Variants in CCDC171 observed in about 807,000 individuals in gnomAD.
CCDC171 encodes the protein coiled-coil domain-containing protein 171.
A neutral mutation model predicts 168.2 loss-of-function variants in CCDC171; 177 were observed. The ratio of observed to expected loss-of-function variants is 1.05; its 90% CI spans 0.93 to 1.19. CCDC171 has a LOEUF of 1.19. Among genes scored for constraint, CCDC171 ranks in the 50% most tolerant of loss-of-function variants. The pLI, the probability that CCDC171 is intolerant of heterozygous loss-of-function variation, is 0.00. For missense variants in CCDC171, 1,991 were observed against 1,539.0 expected, an observed-to-expected ratio of 1.29 and a Z score of -4.91; for synonymous variants, 687 against 540.8, an observed-to-expected ratio of 1.27 and a Z score of -3.75.
chr9:16,099,734 C>T, the CCDC171 span, among the ~76,000 whole-genome samples: 1 of 152,092 alleles, frequency 6.6e-6, no homozygotes, highest in Non-Finnish European at 1.5e-5. Context: ...ATAGTCTCAA[C>T]AAGAAAGAGA....
intron 10 of CCDC171, among the ~76,000 whole-genome samples, chr9:15,686,806 T>C (rs954884023): frequency 2.0e-5 from 3 of 152,152 alleles, no homozygotes; most frequent in Admixed American, 1.3e-4. Context: ...ACAACAATAA[T>C]ATTTCGGGGC....
At chr9:15,696,089 T>C (rs1427579845) in intron 11 of CCDC171, among the ~76,000 whole-genome samples, 1 of 152,210 alleles carries the variant, frequency 6.6e-6, no homozygotes, top group Admixed American at 6.5e-5. Context: ...TATTTGGTGG[T>C]CTTCTAACAC....
intron 9 of CCDC171, among the ~76,000 whole-genome samples, 153 bp from the exon 10 acceptor site, chr9:15,678,605 C>T (rs181564308): frequency 1.3e-5 from 2 of 152,240 alleles, no homozygotes; most frequent in East Asian, 1.9e-4. Context: ...TAAGAATATT[C>T]AGTACTTTTT....
chr9:16,085,871 C>T, the CCDC171 span, among the ~76,000 whole-genome samples: 1 of 152,158 alleles, frequency 6.6e-6, no homozygotes, highest in Non-Finnish European at 1.5e-5. Context: ...GAATGTGGTA[C>T]TCTTTATTCT....
intron 21 of CCDC171, among the ~76,000 whole-genome samples, chr9:15,822,154 C>T (rs2059802988): frequency 6.6e-6 from 1 of 152,158 alleles, no homozygotes. Context: ...CACTGGATCC[C>T]TTCCTTACAC....
intron 3 of CCDC171, among the ~76,000 whole-genome samples, chr9:15,987,186 A>T (rs1232070484): frequency 6.6e-6 from 1 of 152,184 alleles, no homozygotes; most frequent in Non-Finnish European, 1.5e-5. Flanking sequence ...CCACTAGCAA[A>T]TGTCAAAAGA....
chr9:15,879,104 C>G (rs1054196969), intron 24 of CCDC171, among the ~76,000 whole-genome samples: 1 of 152,132 alleles, frequency 6.6e-6, no homozygotes, highest in Non-Finnish European at 1.5e-5. Flanking sequence ...GCATATTTAC[C>G]TCTAAACCTA....
In CCDC171 at chr9:15,591,417, A is replaced by C; in HGVS notation, c.404A>C (p.Gln135Pro). The C allele has an allele frequency of 6.2e-7, 1 of 1,609,308 alleles. No individual in the cohort carries two copies. Among genetic ancestry groups the C allele is most frequent in the East Asian group, 2.2e-5 (1 of 44,710 alleles). Residue 135 changes from glutamine (Q) to proline (P), a missense_variant, in exon 5 of 26, where the codon CAG (glutamine) becomes CCG (proline). Gln to Pro is a moderately conservative substitution (Grantham distance 76, BLOSUM62 -1). Coordinates refer to ENST00000380701, the MANE Select transcript of CCDC171 (RefSeq NM_173550.4). ...ACAAATGAGACTGAGAAAGCATTTC[A>C]GACTTCTCAGCAAAAATGGAAAGAA... Reference protein sequence around the residue: ...AKTNETEKAFQTSQQKWKEEC... With the variant: ...AKTNETEKAFPTSQQKWKEEC...
intron 3 of CCDC171, among the ~76,000 whole-genome samples, chr9:15,981,058 T>A (rs1306049756): frequency 6.6e-6 from 1 of 152,090 alleles, no homozygotes; most frequent in Non-Finnish European, 1.5e-5. Context: ...TCAGATATTG[T>A]GAGACTTACT....
chr9:15,895,801 G>A (rs1018144347), intron 24 of CCDC171, among the ~76,000 whole-genome samples: 7 of 151,998 alleles, frequency 4.6e-5, no homozygotes, highest in Non-Finnish European at 7.4e-5. Flanking sequence ...AAAGCCAGTG[G>A]CAATTCTGTA....
chr9:16,027,126 C>G (rs576052313), intron 6 of CCDC171, among the ~76,000 whole-genome samples: 14 of 152,228 alleles, frequency 9.2e-5, no homozygotes, highest in African/African-American at 2.6e-4. Flanking sequence ...TTGATTTTCC[C>G]CAGAATAATT....
chr9:16,026,829 T>C (rs1217429031), intron 6 of CCDC171, among the ~76,000 whole-genome samples: 1 of 152,264 alleles, frequency 6.6e-6, no homozygotes, highest in Non-Finnish European at 1.5e-5. Context: ...ATCATCTATA[T>C]TTAATTGCTC....
the CCDC171 span, among the ~76,000 whole-genome samples, chr9:16,084,677 A>G: frequency 6.6e-6 from 1 of 152,256 alleles, no homozygotes; most frequent in African/African-American, 2.4e-5. Context: ...CCGGGCTGCC[A>G]TGGGGGCCCC....
At chr9:15,573,281 T>G (rs1331618919) in intron 3 of CCDC171, among the ~76,000 whole-genome samples, 1 of 152,200 alleles carries the variant, frequency 6.6e-6, no homozygotes, top group Admixed American at 6.5e-5. Context: ...ATTATCATAA[T>G]TTTTCTTTTT....
chr9:15,580,549 C>T (rs1256957338), intron 4 of CCDC171, among the ~76,000 whole-genome samples: 1 of 151,890 alleles, frequency 6.6e-6, no homozygotes, highest in East Asian at 1.9e-4. Context: ...AACAAATAAT[C>T]CCATCAAAAA....
At chr9:15,558,983 G>A (rs963301734) in intron 1 of CCDC171, among the ~76,000 whole-genome samples, 5 of 152,068 alleles carry the variant, frequency 3.3e-5, no homozygotes, top group African/African-American at 4.8e-5. Context: ...CCTTCATTTC[G>A]TTATGTACCC....
At chr9:15,687,233 A>C (rs4741532) in intron 10 of CCDC171, among the ~76,000 whole-genome samples, 142,481 of 152,176 alleles carry the variant, frequency 0.94, 66,807 homozygotes, top group East Asian at 1. Flanking sequence ...ACAACATACC[A>C]AACTTTGTGG....
intron 18 of CCDC171, among the ~76,000 whole-genome samples, chr9:15,766,288 A>G (rs908111017): frequency 1.3e-5 from 2 of 152,124 alleles, no homozygotes; most frequent in African/African-American, 2.4e-5. Context: ...GTTTTTTGCC[A>G]ACATTCATGA....
At position 15,972,489 on chromosome 9, in the gene CCDC171, C is replaced by G. The variant is rs1831448699; in HGVS notation, c.*653C>G. On this transcript the variant is annotated 3_prime_UTR_variant, in exon 26 of 26. Transcript: ENST00000380701. ...AGTTAAGTTAACTGCTGAATCTGGT[C>G]CCTGAAGGCACTGAAAACTCATTCT... 1 of 152,280 alleles carries G rather than the reference C, an allele frequency of 6.6e-6. No homozygotes were observed. The highest frequency in any genetic ancestry group is 2.1e-4 in the South Asian group (1 of 4,834). The allele number at this position is 152,280 out of a possible 1,614,324, so 9.4% of individuals were successfully genotyped here.
Sources: allele counts gnomAD v4.1 joint callset (sites outside exome capture counted in the v4.1 genomes callset), GRCh38; gene constraint gnomAD v4.1.1; transcripts MANE v1.5; gene names NCBI Gene and HGNC (gene_info 2026-07-23, HGNC 2026-07-21).